The following CNTNAP2 variants were observed in gnomAD, a reference collection of about 807,000 sequenced individuals.
CNTNAP2 encodes contactin associated protein 2.
In CNTNAP2, 98 loss-of-function variants were observed where a neutral mutation model predicts 155.2. The observed-to-expected ratio is 0.63, with a 90% CI of 0.54 to 0.75. The LOEUF is 0.75. Among genes scored for constraint, CNTNAP2 ranks in the 30% least tolerant of loss-of-function variants. The pLI, the probability that CNTNAP2 is intolerant of heterozygous loss-of-function variation, is 0.00. For synonymous variants in CNTNAP2, 651 were observed against 631.2 expected (o/e 1.03, Z -0.47); for missense variants, 1,727 against 1,688.1 (o/e 1.02, Z -0.40).
chr7:147,301,092 G>A (rs1034201113), intron 9 of CNTNAP2, among the ~76,000 whole-genome samples: 1 of 152,066 alleles, frequency 6.6e-6, no homozygotes, highest in Admixed American at 6.6e-5. Flanking sequence ...TTTCACAAGG[G>A]CATGATTATA....
chr7:146,223,764 C>T (rs948841054), intron 1 of CNTNAP2, among the ~76,000 whole-genome samples: 1 of 152,112 alleles, frequency 6.6e-6, no homozygotes, highest in East Asian at 1.9e-4. Context: ...AATAAAGTAA[C>T]CTCCACACCA....
At chr7:148,023,020 C>G (rs993219446) in intron 15 of CNTNAP2, among the ~76,000 whole-genome samples, 2 of 152,144 alleles carry the variant, frequency 1.3e-5, no homozygotes, top group African/African-American at 4.8e-5. Context: ...TTGGGTGTCA[C>G]TCATAGCAAT....
chr7:147,007,223 C>A (rs1377920151), intron 3 of CNTNAP2, among the ~76,000 whole-genome samples: 1 of 152,114 alleles, frequency 6.6e-6, no homozygotes, highest in Non-Finnish European at 1.5e-5. Flanking sequence ...AGTGATTTTT[C>A]TGCTAGGGCC....
At chr7:146,954,351 T>C (rs1342039119) in intron 3 of CNTNAP2, among the ~76,000 whole-genome samples, 1 of 151,906 alleles carries the variant, frequency 6.6e-6, no homozygotes, top group African/African-American at 2.4e-5. Context: ...GTAATGGAAA[T>C]GCTGCACTAA....
At chr7:147,967,769 T>C (rs114675586) in intron 14 of CNTNAP2, among the ~76,000 whole-genome samples, 307 of 152,328 alleles carry the variant, frequency 2.0e-3, no homozygotes, top group African/African-American at 7.2e-3. Context: ...CAACTTACTT[T>C]TACATAGAGA....
Position 146,883,074 on chromosome 7 carries a change from T to C in CNTNAP2, c.402+43170T>C, listed in dbSNP as rs116612684. ...CAGAATAGGTTATGTACTTTTTAACTATTTGGTGTGTTACATAGGTACCGT... is the reference window on the plus strand; with the variant it reads ...CAGAATAGGTTATGTACTTTTTAACCATTTGGTGTGTTACATAGGTACCGT... On this transcript the variant is annotated intron_variant, in intron 3 of 23. Transcript: ENST00000361727. Among the ~76,000 whole-genome samples, 296 of 152,334 alleles carry C rather than the reference T, an allele frequency of 1.9e-3. 2 individuals are homozygous for C. Among genetic ancestry groups the C allele is most frequent in the African/African-American group, 6.8e-3 (284 of 41,586 alleles).
At position 148,405,420 on chromosome 7, in the gene CNTNAP2, A is replaced by ATTTTTTTTTTTTTTTTTTTTTTTTTT. The variant is rs36020816; in HGVS notation, c.3716-3970_3716-3945dup. ...TCAAGGGAACCAGATTACCATTGTA[A>ATTTTTTTTTTTTTTTTTTTTTTTTTT]TTTTTTTTTTTTTTTTTTTTTTTTT... On this transcript the variant is annotated intron_variant, in intron 22 of 23. Transcript: ENST00000361727. Among the ~76,000 whole-genome samples the ATTTTTTTTTTTTTTTTTTTTTTTTTT allele has an allele frequency of 2.3e-4, 15 of 64,308 alleles. 2 individuals carry two copies. Among genetic ancestry groups the ATTTTTTTTTTTTTTTTTTTTTTTTTT allele is most frequent in the Non-Finnish European group, 3.4e-4 (13 of 37,686 alleles). The allele number at this position is 64,308 out of a possible 152,430, so 42.2% of individuals were successfully genotyped here.
intron 21 of CNTNAP2, among the ~76,000 whole-genome samples, chr7:148,349,286 G>A (rs975177310): frequency 2.6e-5 from 4 of 152,064 alleles, no homozygotes; most frequent in African/African-American, 9.7e-5. Flanking sequence ...GGTATAATAG[G>A]AGTGTCCAAC....
chr7:147,196,034 T>C (rs1319302130), intron 8 of CNTNAP2, among the ~76,000 whole-genome samples: 1 of 152,054 alleles, frequency 6.6e-6, no homozygotes, highest in Non-Finnish European at 1.5e-5. Context: ...ACTAGAGTCC[T>C]TATAAGAAGG....
intron 1 of CNTNAP2, among the ~76,000 whole-genome samples, chr7:146,176,371 G>T (rs1176003132): frequency 2.0e-5 from 3 of 152,148 alleles, no homozygotes; most frequent in Non-Finnish European, 4.4e-5. Flanking sequence ...GGGACTGGAG[G>T]CGTAAAGGAT....
intron 1 of CNTNAP2, among the ~76,000 whole-genome samples, chr7:146,569,252 T>C (rs990200025): frequency 1.3e-5 from 2 of 152,222 alleles, no homozygotes; most frequent in Non-Finnish European, 2.9e-5. Flanking sequence ...TCCTCCTGAC[T>C]TCGTGATCCG....
At chr7:147,004,373 A>G (rs549761260) in intron 3 of CNTNAP2, among the ~76,000 whole-genome samples, 77 of 152,114 alleles carry the variant, frequency 5.1e-4, no homozygotes, top group Non-Finnish European at 9.9e-4. Context: ...AATAAACCAG[A>G]AAATAATTGA....
At chr7:147,018,283 A>G (rs1217388905) in intron 3 of CNTNAP2, among the ~76,000 whole-genome samples, 2 of 152,052 alleles carry the variant, frequency 1.3e-5, no homozygotes, top group Non-Finnish European at 2.9e-5. Flanking sequence ...GACAAGCCCA[A>G]TTTCTTTCTT....
intron 3 of CNTNAP2, among the ~76,000 whole-genome samples, chr7:147,010,328 T>C (rs1451738836): frequency 6.6e-6 from 1 of 151,880 alleles, no homozygotes; most frequent in Admixed American, 6.6e-5. Flanking sequence ...GGTTCTTTAG[T>C]ATCATTTTTG....
chr7:146,764,407 A>G (rs1802159675), intron 1 of CNTNAP2, among the ~76,000 whole-genome samples: 1 of 152,060 alleles, frequency 6.6e-6, no homozygotes, highest in Non-Finnish European at 1.5e-5. Context: ...TTATAAAATT[A>G]AAACTTCAAT....
chr7:147,876,744 G>A (rs979277611), intron 13 of CNTNAP2, among the ~76,000 whole-genome samples: 2 of 152,064 alleles, frequency 1.3e-5, no homozygotes, highest in African/African-American at 2.4e-5. Context: ...CCTGAACGTA[G>A]GGTGCTTATT....
At chr7:146,278,523 G>A (rs190723190) in intron 1 of CNTNAP2, among the ~76,000 whole-genome samples, 50 of 152,248 alleles carry the variant, frequency 3.3e-4, no homozygotes, top group Admixed American at 5.2e-4. Context: ...AATGAAAAAA[G>A]TGTGGTTTCT....
At chr7:147,930,541 T>TAA (rs1800481199) in intron 14 of CNTNAP2, among the ~76,000 whole-genome samples, 2 of 152,182 alleles carry the variant, frequency 1.3e-5, no homozygotes, top group Admixed American at 6.5e-5. Flanking sequence ...ATGTAACAAT[T>TAA]TTATATGCAC....
At chr7:146,892,453 G>C (rs1396438389) in intron 3 of CNTNAP2, among the ~76,000 whole-genome samples, 1 of 152,190 alleles carries the variant, frequency 6.6e-6, no homozygotes, top group Non-Finnish European at 1.5e-5. Flanking sequence ...AATGAGAAGA[G>C]AGCCATAGAA....
Sources: gnomAD v4.1 joint callset for allele counts (sites outside exome capture counted in the v4.1 genomes callset) on GRCh38, gnomAD v4.1.1 for gene constraint, MANE v1.5 for transcripts, NCBI Gene and HGNC (gene_info 2026-07-23, HGNC 2026-07-21) for gene names.